Variants in SLC18B1 observed in about 807,000 individuals in gnomAD.
SLC18B1 encodes MFS-type transporter SLC18B1.
Under a neutral mutation model 53.9 loss-of-function variants are expected in SLC18B1, and 62 were observed. That is an observed-to-expected ratio of 1.15 (90% CI 0.94 to 1.42). The LOEUF (loss-of-function observed/expected upper bound fraction) is 1.42, where lower values mean the gene tolerates loss of function less well. Ranked by LOEUF, SLC18B1 falls within the 40% of genes most tolerant of loss-of-function variation. The pLI, the probability that SLC18B1 is intolerant of heterozygous loss-of-function variation, is 0.00. For synonymous variants in SLC18B1, 217 were observed against 200.9 expected (o/e 1.08, Z -0.68); for missense variants, 598 against 547.3 (o/e 1.09, Z -0.93).
At position 132,790,256 on chromosome 6, in the gene SLC18B1, G is replaced by C. The variant is rs776360657; in HGVS notation, c.200C>G (p.Ala67Gly). The C allele has an allele frequency of 9.6e-6, 15 of 1,558,628 alleles. 1 individual carries two copies. The Middle Eastern group carries it at 5.8e-4, about 61-fold the overall frequency. Residue 67 changes from alanine (A) to glycine (G), a missense_variant, in exon 3 of 14, where the codon GCC (alanine) becomes GGC (glycine). Transcript: ENST00000275227. The part of the protein sequence containing the change: ...FFPKEAEKKG[A>G]SNTIIGMIFG... ...GATCATACCGATAATTGTATTGCTG[G>C]CTCCCTTCTTTTCAGCCTTTAAGTA... is the stretch of plus-strand genomic sequence containing the variant.
At chr6:132,794,294 G>A (rs1781618116) in intron 2 of SLC18B1, among the ~76,000 whole-genome samples, 1 of 151,446 alleles carries the variant, frequency 6.6e-6, no homozygotes, top group Non-Finnish European at 1.5e-5. Context: ...AGTACAGACA[G>A]GGTTTCACCA....
chr6:132,782,421 T>C (rs899360024), intron 6 of SLC18B1, among the ~76,000 whole-genome samples: 1 of 152,192 alleles, frequency 6.6e-6, no homozygotes, highest in Non-Finnish European at 1.5e-5. Context: ...ACACTTAAAA[T>C]CTACTATTGG....
intron 9 of SLC18B1, 149 bp from the exon 10 acceptor site, chr6:132,773,237 A>G: frequency 3.5e-6 from 1 of 283,160 alleles, no homozygotes; most frequent in East Asian, 8.5e-5. Flanking sequence ...CATCTAACCC[A>G]TTTCATTCAG....
At chr6:132,781,336 C>A (rs1057016787) in intron 6 of SLC18B1, among the ~76,000 whole-genome samples, 1 of 151,362 alleles carries the variant, frequency 6.6e-6, no homozygotes, top group Non-Finnish European at 1.5e-5. Context: ...ACAAAGCCTG[C>A]ACAGGAAGTT....
chr6:132,770,366 CA>C, intron 13 of SLC18B1, 30 bp from the exon 14 acceptor site: 1 of 1,534,686 alleles, frequency 6.5e-7, no homozygotes, highest in Non-Finnish European at 9.0e-7. Context: ...AGATGAATCT[CA>C]ATATTTCTCA....
At chr6:132,773,671 A>G (rs988430501) in intron 9 of SLC18B1, among the ~76,000 whole-genome samples, 5 of 152,238 alleles carry the variant, frequency 3.3e-5, no homozygotes, top group African/African-American at 1.2e-4. Context: ...GCCAAAATGT[A>G]AACTCAGGTC....
At chr6:132,791,144 G>A (rs1005386747) in intron 2 of SLC18B1, among the ~76,000 whole-genome samples, 1 of 152,160 alleles carries the variant, frequency 6.6e-6, no homozygotes, top group African/African-American at 2.4e-5. Context: ...CTTTAAGATA[G>A]GACTGGCAAC....
chr6:132,790,195 G>A lies in SLC18B1; in HGVS notation c.261C>T (p.Ser87=). Residue 87 remains serine (S), a synonymous_variant, in exon 3 of 14, where the codon TCC becomes TCT. Transcript: ENST00000275227. Reference sequence around the variant, plus strand: ...TACTTACATAGTTTCCAAATACCAAGGATGCCAGCAACTCGAACAAAGCAA... The same window carrying A: ...TACTTACATAGTTTCCAAATACCAAAGATGCCAGCAACTCGAACAAAGCAA... The part of the protein sequence containing the change: ...GCFALFELLA[S]LVFGNYLVHI... The A allele has an allele frequency of 6.4e-7, 1 of 1,570,410 alleles. No individual in the cohort carries two copies.
At chr6:132,780,184 C>T (rs1296500096) in intron 6 of SLC18B1, among the ~76,000 whole-genome samples, 1 of 151,844 alleles carries the variant, frequency 6.6e-6, no homozygotes, top group Non-Finnish European at 1.5e-5. Flanking sequence ...CTGCAGCCTC[C>T]AACTCCTGCG....
Position 132,770,926 on chromosome 6 carries a change from C to T in SLC18B1, c.1268G>A (p.Gly423Asp), listed in dbSNP as rs753202595. Residue 423 changes from glycine (G) to aspartate (D), a missense_variant, in exon 13 of 14, where the codon GGC becomes GAC. Gly to Asp is a moderately conservative substitution (Grantham distance 94, BLOSUM62 -1). Coordinates refer to ENST00000275227, the MANE Select transcript of SLC18B1 (RefSeq NM_052831.3). ...LWALISGLAMGLFYLLEYSRR... is the reference protein window; with the variant it reads ...LWALISGLAMDLFYLLEYSRR... ...TGAATACTCCAGTAGATAAAACAAG[C>T]CCATGGCTAATCCCTTAAACACAAT... 3 of 1,612,384 alleles carry T rather than the reference C, an allele frequency of 1.9e-6. No individual in the cohort carries two copies. In the South Asian group the frequency reaches 3.3e-5, roughly 18 times the overall value.
Position 132,770,226 on chromosome 6 carries a change from G to T in SLC18B1, c.*44C>A. On this transcript the variant is annotated 3_prime_UTR_variant, in exon 14 of 14. Transcript: ENST00000275227. ...TTCCTACGGTGATGTTTAAGGCCAG[G>T]AGCATTCATTTCTCAACCTTGTATC... 1 of 1,515,796 alleles carries T rather than the reference G, an allele frequency of 6.6e-7. No individual in the cohort carries two copies. Among genetic ancestry groups the T allele is most frequent in the East Asian group, 2.3e-5 (1 of 44,410 alleles). The allele number at this position is 1,515,796 out of a possible 1,614,324, so 93.9% of individuals were successfully genotyped here. A position where few individuals can be genotyped will look rare whatever the true frequency, so the allele number is the denominator to read the frequency against.
At chr6:132,796,948 A>C (rs1237950885) in intron 2 of SLC18B1, 34 bp downstream of exon 2, 1 of 1,563,892 alleles carries the variant, frequency 6.4e-7, no homozygotes, top group Non-Finnish European at 8.6e-7. Flanking sequence ...ACAAACAAAA[A>C]AACAGAGGTC....
chr6:132,779,544 A>G (rs1156856000), intron 6 of SLC18B1, 140 bp from the exon 7 acceptor site: 2 of 842,216 alleles, frequency 2.4e-6, no homozygotes, highest in Non-Finnish European at 3.6e-6. Flanking sequence ...AAAATTGTAT[A>G]CCATCTATAC....
intron 1 of SLC18B1, 97 bp from the exon 2 acceptor site, chr6:132,797,218 TATC>T: frequency 6.9e-7 from 1 of 1,449,014 alleles, no homozygotes; most frequent in Non-Finnish European, 9.5e-7. Flanking sequence ...ACTCTGAAGA[TATC>T]ATTTGCTAAG....
intron 5 of SLC18B1, among the ~76,000 whole-genome samples, chr6:132,785,008 A>G (rs1407879230): frequency 6.6e-6 from 1 of 151,752 alleles, no homozygotes; most frequent in Non-Finnish European, 1.5e-5. Context: ...TTGTGTAAAG[A>G]AAAAAGAGGG....
chr6:132,791,398 A>G (rs1461134192), intron 2 of SLC18B1, among the ~76,000 whole-genome samples: 2 of 152,162 alleles, frequency 1.3e-5, no homozygotes, highest in Non-Finnish European at 2.9e-5. Flanking sequence ...TTTTCTCTCT[A>G]CAATTGATGA....
intron 6 of SLC18B1, 118 bp downstream of exon 6, chr6:132,783,815 C>G: frequency 1.2e-6 from 1 of 801,434 alleles, no homozygotes; most frequent in Non-Finnish European, 1.8e-6. Context: ...AAAAAAGAAT[C>G]AGTTATTTTT....
Position 132,790,289 on chromosome 6 carries a change from C to T in SLC18B1, c.184-17G>A, listed in dbSNP as rs186241199. On this transcript the variant is annotated splice_polypyrimidine_tract_variant and intron_variant, in intron 2 of 13. Coordinates refer to ENST00000275227, the MANE Select transcript of SLC18B1 (RefSeq NM_052831.3). ...CTTTTCAGCCTTTAAGTAATAGAAA[C>T]GGAAACAAAGTTTCAAAGAAAAATT... The T allele has an allele frequency of 1.8e-4, 271 of 1,489,862 alleles. No homozygotes were observed. The highest frequency in any genetic ancestry group is 6.6e-4 in the East Asian group (27 of 40,884). 92.3% of individuals were successfully genotyped at this position (1,489,862 alleles called of 1,614,324 possible).
chr6:132,798,413 C>G lies in SLC18B1; in HGVS notation c.43+1G>C. On this transcript the variant is annotated splice_donor_variant, in intron 1 of 13. Coordinates refer to ENST00000275227, the MANE Select transcript of SLC18B1 (RefSeq NM_052831.3). LOFTEE classifies it high-confidence loss of function. ...CTCCCGGCCACGCAATTCATGGTCA[C>G]CTCCTGGTGCGCGTGGTCCCTCCAG... The G allele has an allele frequency of 6.5e-7, 1 of 1,533,428 alleles. No individual in the cohort carries two copies. The highest frequency in any genetic ancestry group is 2.6e-5 in the East Asian group (1 of 39,196). The allele number at this position is 1,533,428 out of a possible 1,614,324, so 95.0% of individuals were successfully genotyped here. A position where few individuals can be genotyped will look rare whatever the true frequency, so the allele number is the denominator to read the frequency against.
Sources: allele counts gnomAD v4.1 joint callset (sites outside exome capture counted in the v4.1 genomes callset), GRCh38; gene constraint gnomAD v4.1.1; transcripts MANE v1.5; gene names NCBI Gene and HGNC (gene_info 2026-07-23, HGNC 2026-07-21).